The following DPP6 variants were observed in gnomAD, a reference collection of about 807,000 sequenced individuals.
The protein encoded by DPP6 is dipeptidyl peptidase like 6, also known as A-type potassium channel modulatory protein DPP6.
Under a neutral mutation model 122.6 loss-of-function variants are expected in DPP6, and 69 were observed. The observed-to-expected ratio is 0.56, with a 90% CI of 0.46 to 0.69. The LOEUF is 0.69. DPP6 is among the 30% of genes least tolerant of loss of function. The pLI, the probability that DPP6 is intolerant of heterozygous loss-of-function variation, is 0.00. For missense variants in DPP6, 928 were observed against 1,116.9 expected, an observed-to-expected ratio of 0.83 and a Z score of 2.41; for synonymous variants, 418 against 433.1, an observed-to-expected ratio of 0.97 and a Z score of 0.43.
intron 1 of DPP6, among the ~76,000 whole-genome samples, chr7:154,124,442 C>G (rs1279053963): frequency 6.6e-6 from 1 of 152,118 alleles, no homozygotes; most frequent in Admixed American, 6.5e-5. Flanking sequence ...GGGCCAGGGA[C>G]TGATGCAGAG....
At chr7:154,346,703 A>G (rs148150830) in intron 1 of DPP6, among the ~76,000 whole-genome samples, 1 of 152,298 alleles carries the variant, frequency 6.6e-6, no homozygotes, top group East Asian at 1.9e-4. Context: ...TATCACTGAG[A>G]GCACCAAGCA....
intron 1 of DPP6, among the ~76,000 whole-genome samples, chr7:154,441,427 A>G (rs921061582): frequency 5.2e-4 from 79 of 152,320 alleles, no homozygotes; most frequent in African/African-American, 1.8e-3. Flanking sequence ...ATACATTTAC[A>G]TTTAATCCTG....
At position 154,222,382 on chromosome 7, in the gene DPP6, G is replaced by A. The variant is rs138442897; in HGVS notation, c.243+169319G>A. ...AAAATAATCTGCTTTGTAGCCAGGC[G>A]CAGTGGCTCACGCCTGTAATCCCAG... On this transcript the variant is annotated intron_variant, in intron 1 of 25. Transcript: ENST00000377770. 5.9e-3 allele frequency among the ~76,000 whole-genome samples: 903 copies of A among 152,190 alleles called. 14 individuals are homozygous for A. The highest frequency in any genetic ancestry group is 0.021 in the African/African-American group (872 of 41,488).
chr7:153,852,976 G>A, the DPP6 span, among the ~76,000 whole-genome samples: 1 of 152,126 alleles, frequency 6.6e-6, no homozygotes, highest in Non-Finnish European at 1.5e-5. Flanking sequence ...TTTTCAACAT[G>A]TGGGCACCCC....
At chr7:154,188,806 G>T (rs1403073344) in intron 1 of DPP6, among the ~76,000 whole-genome samples, 1 of 152,124 alleles carries the variant, frequency 6.6e-6, no homozygotes, top group Non-Finnish European at 1.5e-5. Flanking sequence ...TACATATTTC[G>T]ATAAAAGAAC....
rs1013241767 is a variant in DPP6, at chr7:154,241,230, T to TATATAG, written c.243+188168_243+188169insTATAGA. Among the ~76,000 whole-genome samples the TATATAG allele has an allele frequency of 1.5e-4, 22 of 149,266 alleles. No individual in the cohort carries two copies. The highest frequency in any genetic ancestry group is 5.2e-4 in the African/African-American group (21 of 40,374). On this transcript the variant is annotated intron_variant, in intron 1 of 25. Coordinates refer to ENST00000377770, the MANE Select transcript of DPP6 (RefSeq NM_130797.4). The surrounding 1 kb of genome is among the most constrained non-coding windows in gnomAD (Gnocchi z 9.0). ...GTGTGTGTGTGTGTGTATATATATA[T>TATATAG]AGAGAGAGAGAGAGACACTTTTATC...
intron 1 of DPP6, among the ~76,000 whole-genome samples, chr7:154,027,449 C>T (rs2129053591): frequency 6.6e-6 from 1 of 152,252 alleles, no homozygotes; most frequent in East Asian, 1.9e-4. Flanking sequence ...AGGATGGCTT[C>T]TCGCTGTGTC....
the DPP6 span, among the ~76,000 whole-genome samples, chr7:153,773,927 T>C: frequency 6.6e-6 from 1 of 151,164 alleles, no homozygotes; most frequent in Admixed American, 6.6e-5. Context: ...CTGGTAATTT[T>C]TAAAGATCAA....
chr7:154,124,753 C>T (rs535122179), intron 1 of DPP6, among the ~76,000 whole-genome samples: 2 of 152,084 alleles, frequency 1.3e-5, no homozygotes, highest in South Asian at 2.1e-4. Flanking sequence ...CAGGGAAGGG[C>T]GGGAGGATGG....
At chr7:154,575,426 GGTGTGT>G (rs1831550516) in intron 5 of DPP6, among the ~76,000 whole-genome samples, 1 of 37,108 alleles carries the variant, frequency 2.7e-5, no homozygotes, top group Non-Finnish European at 4.8e-5. Flanking sequence ...ATGTGTGTGT[GGTGTGT>G]ATGTGTGTGG....
chr7:154,670,150 G>A (rs555008076), intron 7 of DPP6, among the ~76,000 whole-genome samples: 26 of 139,532 alleles, frequency 1.9e-4, no homozygotes, highest in Admixed American at 1.1e-3. Context: ...GTGAGCTACC[G>A]TGCCCAGCCT....
intron 3 of DPP6, among the ~76,000 whole-genome samples, chr7:154,497,761 A>G (rs989336265): frequency 6.6e-6 from 1 of 152,188 alleles, no homozygotes; most frequent in Non-Finnish European, 1.5e-5. Flanking sequence ...TTTCCTGAAT[A>G]TGCTTAGAGG....
intron 1 of DPP6, among the ~76,000 whole-genome samples, chr7:153,955,939 G>A (rs1258382828): frequency 6.6e-6 from 1 of 152,140 alleles, no homozygotes; most frequent in East Asian, 1.9e-4. Flanking sequence ...GTGATTGTGT[G>A]GAGTGACAGA....
At chr7:154,637,276 G>A (rs1263381603) in intron 5 of DPP6, among the ~76,000 whole-genome samples, 1 of 152,078 alleles carries the variant, frequency 6.6e-6, no homozygotes, top group Non-Finnish European at 1.5e-5. Context: ...CCTTTTTTCA[G>A]TAAGTTCTTG....
At chr7:153,910,748 A>T (rs966092029) in intron 1 of DPP6, among the ~76,000 whole-genome samples, 1 of 152,126 alleles carries the variant, frequency 6.6e-6, no homozygotes, top group Non-Finnish European at 1.5e-5. Flanking sequence ...ACCATTGTTC[A>T]TCCTAATATT....
At chr7:153,805,791 G>A in the DPP6 span, among the ~76,000 whole-genome samples, 14 of 151,948 alleles carry the variant, frequency 9.2e-5, no homozygotes. Flanking sequence ...TCATATGTGG[G>A]AATTGAACAA....
chr7:154,583,262 C>T (rs897295592), intron 5 of DPP6, among the ~76,000 whole-genome samples: 3 of 152,224 alleles, frequency 2.0e-5, no homozygotes, highest in Admixed American at 6.5e-5. Flanking sequence ...AAGGTGCCAG[C>T]AGGTCGGTTT....
chr7:154,119,390 C>G (rs1807262461), intron 1 of DPP6, among the ~76,000 whole-genome samples: 1 of 152,034 alleles, frequency 6.6e-6, no homozygotes, highest in Non-Finnish European at 1.5e-5. Flanking sequence ...CCAAAGCAAC[C>G]ACTTCAATTT....
the DPP6 span, among the ~76,000 whole-genome samples, chr7:153,811,783 G>C: frequency 6.6e-6 from 1 of 152,190 alleles, no homozygotes; most frequent in Non-Finnish European, 1.5e-5. Context: ...TTATGCACCT[G>C]CTGTGTTTTT....
Sources: allele counts gnomAD v4.1 joint callset (sites outside exome capture counted in the v4.1 genomes callset), GRCh38; gene constraint gnomAD v4.1.1; non-coding constraint Gnocchi (gnomAD v3.1); transcripts MANE v1.5; gene names NCBI Gene and HGNC (gene_info 2026-07-23, HGNC 2026-07-21).